The following HEMK1 variants were observed in gnomAD, a reference collection of about 807,000 sequenced individuals.
HEMK1 encodes the protein MTRF1L release factor glutamine methyltransferase.
Under a neutral mutation model 47.9 loss-of-function variants are expected in HEMK1, and 36 were observed. That is an observed-to-expected ratio of 0.75 (90% CI 0.58 to 0.99). HEMK1 has a LOEUF of 0.99. HEMK1 is among the 50% of genes least tolerant of loss of function. HEMK1 has a pLI of 0.00. For missense variants in HEMK1, 383 were observed against 434.5 expected, an observed-to-expected ratio of 0.88 and a Z score of 1.05; for synonymous variants, 153 against 165.4, an observed-to-expected ratio of 0.93 and a Z score of 0.57.
Position 50,571,006 on chromosome 3 carries a change from G to T in HEMK1, c.-99G>T. The T allele has an allele frequency of 3.4e-6, 3 of 870,130 alleles. No individual in the cohort carries two copies. The highest frequency in any genetic ancestry group is 5.2e-6 in the Non-Finnish European group (3 of 571,836). 53.9% of individuals were successfully genotyped at this position (870,130 alleles called of 1,614,324 possible). A position where few individuals can be genotyped will look rare whatever the true frequency, so the allele number is the denominator to read the frequency against. ...CTTGTGACCTCTCCATCTCCACCCA[G>T]CTGGGTCCAGGGGCCACTCTCAGCA... On this transcript the variant is annotated 5_prime_UTR_variant, in exon 2 of 11. Transcript: ENST00000232854.
chr3:50,577,431 G>A, intron 5 of HEMK1, 78 bp from the exon 6 acceptor site: 1 of 1,411,214 alleles, frequency 7.1e-7, no homozygotes, highest in East Asian at 2.3e-5. Context: ...GGGGTTGGAG[G>A]AGGGTCCCCC....
chr3:50,595,355 T>G lies in HEMK1; in HGVS notation c.*14938T>G, dbSNP rs2031920985. ...AAAGCATTTTCTTGCACCACTTCCCTGAACCGCAGTTCCTACAGAGTGATG... is the reference window on the plus strand; with the variant it reads ...AAAGCATTTTCTTGCACCACTTCCCGGAACCGCAGTTCCTACAGAGTGATG... On this transcript the variant is annotated 3_prime_UTR_variant, in exon 11 of 11. Coordinates refer to ENST00000232854, the MANE Select transcript of HEMK1 (RefSeq NM_016173.5). 1 of 152,244 alleles carries G rather than the reference T, an allele frequency of 6.6e-6. No individual in the cohort carries two copies. Among genetic ancestry groups the G allele is most frequent in the Non-Finnish European group, 1.5e-5 (1 of 68,052 alleles). The allele number at this position is 152,244 out of a possible 1,614,324, so 9.4% of individuals were successfully genotyped here. A position where few individuals can be genotyped will look rare whatever the true frequency, so the allele number is the denominator to read the frequency against.
chr3:50,580,437 C>T lies in HEMK1; in HGVS notation c.*20C>T. The T allele has an allele frequency of 2.5e-6, 4 of 1,613,834 alleles. No homozygotes were observed. Among genetic ancestry groups the T allele is most frequent in the Non-Finnish European group, 3.4e-6 (4 of 1,179,808 alleles). On this transcript the variant is annotated 3_prime_UTR_variant, in exon 11 of 11. Coordinates refer to ENST00000232854, the MANE Select transcript of HEMK1 (RefSeq NM_016173.5). ...CCATAGCATGGCTGCCCTGTGGATG[C>T]CTTGTCAGTGCCGCCAGCCTGACCA... is the stretch of plus-strand genomic sequence containing the variant.
rs1229299749 is a variant in HEMK1, at chr3:50,578,902, A to C, written c.746A>C (p.Glu249Ala). The C allele has an allele frequency of 6.2e-7, 1 of 1,612,582 alleles. No homozygotes were observed. Among genetic ancestry groups the C allele is most frequent in the South Asian group, 1.1e-5 (1 of 90,610 alleles). Residue 249 changes from glutamate to alanine, a missense_variant, in exon 8 of 11, where the codon GAG (glutamate) becomes GCG (alanine). Physicochemically the swap from Glu to Ala is moderately radical, Grantham distance 107. Transcript: ENST00000232854. ...CCCTACGTCTTCCACCAGGACATGG[A>C]GCAGCTGGCCCCTGAGATCCGCAGG... is the stretch of plus-strand genomic sequence containing the variant. ...NPPYVFHQDM[E>A]QLAPEIRSYE... is the part of the protein sequence containing the mutation.
chr3:50,593,547 T>A lies in HEMK1; in HGVS notation c.*13130T>A, dbSNP rs2031827891. ...TCAGATGTTACAGTTTTTCTTGTTA[T>A]GTATTATACAGAGAGATGGCCTAAC... On this transcript the variant is annotated 3_prime_UTR_variant, in exon 11 of 11. Transcript: ENST00000232854. 1 of 152,212 alleles carries A rather than the reference T, an allele frequency of 6.6e-6. No individual in the cohort carries two copies. Among genetic ancestry groups the A allele is most frequent in the Non-Finnish European group, 1.5e-5 (1 of 68,048 alleles). 9.4% of individuals were successfully genotyped at this position (152,212 alleles called of 1,614,324 possible). A position where few individuals can be genotyped will look rare whatever the true frequency, so the allele number is the denominator to read the frequency against.
rs778795213 is a variant in HEMK1, at chr3:50,571,818, C to G, written c.320+17C>G. ...ATTGCAGAGGTGAGCACCCATGGAT[C>G]AGACCTGAAGGATGTGTTCAGGGAG... On this transcript the variant is annotated intron_variant, in intron 3 of 10. Coordinates refer to ENST00000232854, the MANE Select transcript of HEMK1 (RefSeq NM_016173.5). 2 of 1,608,532 alleles carry G rather than the reference C, an allele frequency of 1.2e-6. No homozygotes were observed. The highest frequency in any genetic ancestry group is 1.7e-6 in the Non-Finnish European group (2 of 1,175,046).
rs113020130 is a variant in HEMK1, at chr3:50,578,924, C to A, written c.768C>A (p.Arg256=). 15 of 1,609,456 alleles carry A rather than the reference C, an allele frequency of 9.3e-6. No homozygotes were observed. In the African/African-American group the frequency reaches 9.4e-5, roughly 10 times the overall value. Residue 256 remains arginine, a splice_region_variant and synonymous_variant, in exon 8 of 11, where the codon CGC becomes CGA. Coordinates refer to ENST00000232854, the MANE Select transcript of HEMK1 (RefSeq NM_016173.5). ...TGGAGCAGCTGGCCCCTGAGATCCG[C>A]AGGTGCTAAGCAGGGTGGGCCAGGG... ...QDMEQLAPEI[R]SYEDPAALDG... is the part of the protein sequence containing the mutation.
intron 2 of HEMK1, 67 bp downstream of exon 2, chr3:50,571,399 G>T: frequency 8.0e-7 from 1 of 1,245,018 alleles, no homozygotes. Context: ...GGGATATCCA[G>T]GTTTTCTGTT....
Position 50,595,545 on chromosome 3 carries a change from C to T in HEMK1, c.*15128C>T, listed in dbSNP as rs1291488356. On this transcript the variant is annotated 3_prime_UTR_variant, in exon 11 of 11. Transcript: ENST00000232854. ...ACGGGACAATAAAATCTGCCTTTTG[C>T]TCTGGAGGGAGATACTACCTCTATC... is the stretch of plus-strand genomic sequence containing the variant. 6.6e-6 allele frequency: 1 copy of T among 152,138 alleles called. No individual in the cohort carries two copies. Among genetic ancestry groups the T allele is most frequent in the Non-Finnish European group, 1.5e-5 (1 of 68,014 alleles). The allele number at this position is 152,138 out of a possible 1,614,324, so 9.4% of individuals were successfully genotyped here.
rs1368737101 is a variant in HEMK1, at chr3:50,593,574, G to C, written c.*13157G>C. On this transcript the variant is annotated 3_prime_UTR_variant, in exon 11 of 11. Transcript: ENST00000232854. ...TATTATACAGAGAGATGGCCTAACT[G>C]GTTCTTGCTGCTGCATGGGCAAGCC... The C allele has an allele frequency of 6.6e-6, 1 of 152,192 alleles. No individual in the cohort carries two copies. The highest frequency in any genetic ancestry group is 1.5e-5 in the Non-Finnish European group (1 of 68,046). 9.4% of individuals were successfully genotyped at this position (152,192 alleles called of 1,614,324 possible).
At chr3:50,577,717 G>A in intron 6 of HEMK1, 109 bp from the exon 7 acceptor site, 1 of 1,361,200 alleles carries the variant, frequency 7.3e-7, no homozygotes, top group Non-Finnish European at 1.1e-6. Context: ...ATGGGTAGTG[G>A]GCAGTGAGTA....
At chr3:50,572,814 T>A (rs550256398) in intron 4 of HEMK1, among the ~76,000 whole-genome samples, 1 of 152,248 alleles carries the variant, frequency 6.6e-6, no homozygotes, top group Non-Finnish European at 1.5e-5. Flanking sequence ...TAAGGCACCC[T>A]GGTCCTGGAA....
chr3:50,571,066 G>A lies in HEMK1; in HGVS notation c.-39G>A. 6.7e-7 allele frequency: 1 copy of A among 1,482,820 alleles called. No homozygotes were observed. Among genetic ancestry groups the A allele is most frequent in the Non-Finnish European group, 9.2e-7 (1 of 1,092,678 alleles). 91.9% of individuals were successfully genotyped at this position (1,482,820 alleles called of 1,614,324 possible). A position where few individuals can be genotyped will look rare whatever the true frequency, so the allele number is the denominator to read the frequency against. ...GCAGCTGACATCATAAAGCAGACTT[G>A]GGAACCTGGAAGCACTCTGGAGAAC... On this transcript the variant is annotated 5_prime_UTR_variant, in exon 2 of 11. Transcript: ENST00000232854.
chr3:50,571,727 G>T lies in HEMK1; in HGVS notation c.246G>T (p.Pro82=), dbSNP rs774145570. The T allele has an allele frequency of 1.9e-6, 3 of 1,614,084 alleles. No individual in the cohort carries two copies. The highest frequency in any genetic ancestry group is 2.5e-6 in the Non-Finnish European group (3 of 1,180,044). Residue 82 remains proline (P), a synonymous_variant, in exon 3 of 11, where the codon CCG becomes CCT. Coordinates refer to ENST00000232854, the MANE Select transcript of HEMK1 (RefSeq NM_016173.5). ...LGAKTFQSLR[P]ALWTQPLTSQ... ...GGGGACAGTTTCAGAGCCTGAGGCC[G>T]GCACTTTGGACCCAGCCCTTGACCT...
At position 50,584,811 on chromosome 3, in the gene HEMK1, T is replaced by C. The variant is rs985902998; in HGVS notation, c.*4394T>C. The C allele has an allele frequency of 1.3e-5, 2 of 152,216 alleles. No homozygotes were observed. The highest frequency in any genetic ancestry group is 4.8e-5 in the African/African-American group (2 of 41,456). The allele number at this position is 152,216 out of a possible 1,614,324, so 9.4% of individuals were successfully genotyped here. A position where few individuals can be genotyped will look rare whatever the true frequency, so the allele number is the denominator to read the frequency against. ...AGCCACGGGAAACGAATATAGATTG[T>C]GGTGCCCAAATTAGAGTGCTGCTGT... On this transcript the variant is annotated 3_prime_UTR_variant, in exon 11 of 11. Coordinates refer to ENST00000232854, the MANE Select transcript of HEMK1 (RefSeq NM_016173.5).
At chr3:50,569,396 A>C (rs1304013949), upstream of HEMK1, 1 of 152,188 alleles carries the variant, frequency 6.6e-6, no homozygotes, top group East Asian at 1.9e-4. Flanking sequence ...CCTGGGAGGA[A>C]CCCACCAGCG....
rs764833597 is a variant in HEMK1 at position 50,571,075 on chromosome 3, G to C, written c.-30G>C. The C allele has an allele frequency of 1.3e-6, 2 of 1,524,022 alleles. No homozygotes were observed. The highest frequency in any genetic ancestry group is 1.8e-6 in the Non-Finnish European group (2 of 1,125,700). The allele number at this position is 1,524,022 out of a possible 1,614,324, so 94.4% of individuals were successfully genotyped here. A position where few individuals can be genotyped will look rare whatever the true frequency, so the allele number is the denominator to read the frequency against. On this transcript the variant is annotated 5_prime_UTR_variant, in exon 2 of 11. Transcript: ENST00000232854. ...ATCATAAAGCAGACTTGGGAACCTG[G>C]AAGCACTCTGGAGAACCTTTCCCTG...
At position 50,592,337 on chromosome 3, in the gene HEMK1, C is replaced by T. The variant is rs1294265509; in HGVS notation, c.*11920C>T. On this transcript the variant is annotated 3_prime_UTR_variant, in exon 11 of 11. Coordinates refer to ENST00000232854, the MANE Select transcript of HEMK1 (RefSeq NM_016173.5). ...CCAGCAAACCCGCCTGGGAACTAAC[C>T]ACAGGCTCCTCCCAGCTTTCACTAA... The T allele has an allele frequency of 6.6e-6, 1 of 152,096 alleles. No individual in the cohort carries two copies. 9.4% of individuals were successfully genotyped at this position (152,096 alleles called of 1,614,324 possible). A position where few individuals can be genotyped will look rare whatever the true frequency, so the allele number is the denominator to read the frequency against.
rs1362112462 is a variant in HEMK1, at chr3:50,591,305, G to T, written c.*10888G>T. On this transcript the variant is annotated 3_prime_UTR_variant, in exon 11 of 11. Transcript: ENST00000232854. Reference sequence around the variant, plus strand: ...AGGCCCAGGAGGTTGGATGGTTCAGGTGGGGCCCTGGCCTTGCAGAACTCA... The same window carrying T: ...AGGCCCAGGAGGTTGGATGGTTCAGTTGGGGCCCTGGCCTTGCAGAACTCA... 1.3e-5 allele frequency: 2 copies of T among 152,260 alleles called. No homozygotes were observed. Among genetic ancestry groups the T allele is most frequent in the African/African-American group, 2.4e-5 (1 of 41,450 alleles). 9.4% of individuals were successfully genotyped at this position (152,260 alleles called of 1,614,324 possible). A position where few individuals can be genotyped will look rare whatever the true frequency, so the allele number is the denominator to read the frequency against.
Sources: gnomAD v4.1 joint callset for allele counts (sites outside exome capture counted in the v4.1 genomes callset) on GRCh38, gnomAD v4.1.1 for gene constraint, MANE v1.5 for transcripts, NCBI Gene and HGNC (gene_info 2026-07-23, HGNC 2026-07-21) for gene names.